The following LSM3 variants were observed in gnomAD, a reference collection of about 807,000 sequenced individuals.
The protein encoded by LSM3 is U6 snRNA-associated Sm-like protein LSm3.
In LSM3, 14 loss-of-function variants were observed where a neutral mutation model predicts 15.4. The observed-to-expected ratio is 0.91, with a 90% CI of 0.60 to 1.42. The LOEUF (loss-of-function observed/expected upper bound fraction) is 1.42. Ranked by LOEUF, LSM3 falls within the 40% of genes most tolerant of loss-of-function variation. The pLI is 0.00. For synonymous variants in LSM3, 46 were observed against 45.1 expected, an observed-to-expected ratio of 1.02 and a Z score of -0.08; for missense variants, 88 against 127.9, an observed-to-expected ratio of 0.69 and a Z score of 1.50.
chr3:14,188,109 T>C (rs1368931947), intron 3 of LSM3, among the ~76,000 whole-genome samples: 1 of 152,180 alleles, frequency 6.6e-6, no homozygotes, highest in Non-Finnish European at 1.5e-5. Flanking sequence ...ACTGTAATAA[T>C]AGAACTGTCT....
intron 3 of LSM3, among the ~76,000 whole-genome samples, chr3:14,193,502 T>C (rs1195154331): frequency 4.6e-5 from 7 of 152,230 alleles, no homozygotes; most frequent in Non-Finnish European, 1.0e-4. Context: ...TCTAATCTTG[T>C]CTTCTGTCTT....
chr3:14,197,620 G>GT (rs1171387030), intron 3 of LSM3, among the ~76,000 whole-genome samples: 1 of 152,250 alleles, frequency 6.6e-6, no homozygotes, highest in African/African-American at 2.4e-5. Context: ...TCACCTATCA[G>GT]TGGCTCTGCC....
intron 3 of LSM3, among the ~76,000 whole-genome samples, chr3:14,189,780 G>A (rs1212778544): frequency 6.6e-6 from 1 of 152,120 alleles, no homozygotes; most frequent in African/African-American, 2.4e-5. Flanking sequence ...TTCTTTTGCT[G>A]TGCAGAAGAT....
At chr3:14,184,625 C>T (rs544544052) in intron 3 of LSM3, among the ~76,000 whole-genome samples, 1,656 of 150,686 alleles carry the variant, frequency 0.011, 32 homozygotes, top group African/African-American at 0.038. Context: ...GGCGTAGTGG[C>T]GGGCGCCTGT....
At chr3:14,191,729 ACCT>A (rs1697141688) in intron 3 of LSM3, among the ~76,000 whole-genome samples, 1 of 148,806 alleles carries the variant, frequency 6.7e-6, no homozygotes, top group South Asian at 2.2e-4. Context: ...TCAAAGAACC[ACCT>A]CCTGGATTCA....
At chr3:14,192,588 T>C (rs533762521) in intron 3 of LSM3, among the ~76,000 whole-genome samples, 1 of 152,324 alleles carries the variant, frequency 6.6e-6, no homozygotes, top group Admixed American at 6.5e-5. Context: ...TTATTACAGA[T>C]TAGAATTGCA....
intron 1 of LSM3, 74 bp from the exon 2 acceptor site, chr3:14,181,486 T>C (rs1697037987): frequency 1.1e-6 from 1 of 932,938 alleles, no homozygotes; most frequent in African/African-American, 1.7e-5. Context: ...TTGCCCATGG[T>C]CACACAGCAT....
chr3:14,189,751 C>A (rs763272821), intron 3 of LSM3, among the ~76,000 whole-genome samples: 1 of 152,174 alleles, frequency 6.6e-6, no homozygotes, highest in African/African-American at 2.4e-5. Context: ...CTGTAGGTTG[C>A]CTGTTCACTC....
intron 3 of LSM3, among the ~76,000 whole-genome samples, chr3:14,188,599 T>G (rs1697112116): frequency 6.6e-6 from 1 of 152,190 alleles, no homozygotes; most frequent in Non-Finnish European, 1.5e-5. Context: ...CATATGCTAA[T>G]GAGTGTTAGT....
At chr3:14,191,989 C>T (rs1221818914) in intron 3 of LSM3, among the ~76,000 whole-genome samples, 1 of 152,172 alleles carries the variant, frequency 6.6e-6, no homozygotes, top group Non-Finnish European at 1.5e-5. Flanking sequence ...TGTCTTCATT[C>T]TCATTGGTTT....
At chr3:14,191,515 G>A (rs1238678048) in intron 3 of LSM3, among the ~76,000 whole-genome samples, 5 of 152,176 alleles carry the variant, frequency 3.3e-5, no homozygotes, top group African/African-American at 1.2e-4. Flanking sequence ...ACTTGGGAGG[G>A]TGTATGTGTC....
At chr3:14,179,045 G>C (rs994959452) in intron 1 of LSM3, among the ~76,000 whole-genome samples, 164 bp downstream of exon 1, 1 of 152,120 alleles carries the variant, frequency 6.6e-6, no homozygotes, top group Non-Finnish European at 1.5e-5. Flanking sequence ...CGTAGGCCCT[G>C]AGACCTTTTC....
Position 14,179,015 on chromosome 3 carries a change from A to G in LSM3, c.21+134A>G, listed in dbSNP as rs1574985447. ...CCTAATCCACCCTGTCCTTTCCGTA[A>G]CCCCCCCTCCGAATTTTGCCGTAGG... On this transcript the variant is annotated intron_variant, in intron 1 of 3. Coordinates refer to ENST00000306024, the MANE Select transcript of LSM3 (RefSeq NM_014463.3). 4.2e-6 allele frequency: 4 copies of G among 953,464 alleles called. No individual in the cohort carries two copies. In the East Asian group the frequency reaches 7.5e-5, roughly 18 times the overall value. The allele number at this position is 953,464 out of a possible 1,614,324, so 59.1% of individuals were successfully genotyped here.
chr3:14,189,936 A>T (rs536506444), intron 3 of LSM3, among the ~76,000 whole-genome samples: 1 of 152,316 alleles, frequency 6.6e-6, no homozygotes, highest in African/African-American at 2.4e-5. Context: ...CCTAGGTCTT[A>T]CATTTAAGTC....
intron 3 of LSM3, among the ~76,000 whole-genome samples, chr3:14,187,676 AT>A (rs1302069996): frequency 6.6e-6 from 1 of 152,174 alleles, no homozygotes; most frequent in Admixed American, 6.5e-5. Context: ...GTCTATTGAA[AT>A]AACTAATGAA....
At chr3:14,179,625 C>T (rs180683955) in intron 1 of LSM3, among the ~76,000 whole-genome samples, 29 of 152,258 alleles carry the variant, frequency 1.9e-4, no homozygotes, top group African/African-American at 6.7e-4. Context: ...ATGTATGCAT[C>T]TTTGTTTAAT....
intron 2 of LSM3, among the ~76,000 whole-genome samples, chr3:14,183,736 G>A (rs1697060797): frequency 6.6e-6 from 1 of 152,162 alleles, no homozygotes; most frequent in African/African-American, 2.4e-5. Flanking sequence ...TTTTTATCAG[G>A]TCAATTAAGT....
chr3:14,189,715 A>T (rs1436922863), intron 3 of LSM3, among the ~76,000 whole-genome samples: 1 of 151,848 alleles, frequency 6.6e-6, no homozygotes, highest in Non-Finnish European at 1.5e-5. Flanking sequence ...TGTCAGATGG[A>T]TGGATTGTAA....
Position 14,186,393 on chromosome 3 carries a change from A to G in LSM3, c.228+2361A>G, listed in dbSNP as rs142139996. ...TAAAATGGGAGTAATGATAGGACCC[A>G]CTTCATACAACTGTGGAGGATTCAT... On this transcript the variant is annotated intron_variant, in intron 3 of 3. Coordinates refer to ENST00000306024, the MANE Select transcript of LSM3 (RefSeq NM_014463.3). Among the ~76,000 whole-genome samples, 319 of 152,336 alleles carry G rather than the reference A, an allele frequency of 2.1e-3. 2 individuals carry two copies. The highest frequency in any genetic ancestry group is 7.4e-3 in the African/African-American group (306 of 41,566).
Sources: gnomAD v4.1 joint callset for allele counts (sites outside exome capture counted in the v4.1 genomes callset) on GRCh38, gnomAD v4.1.1 for gene constraint, MANE v1.5 for transcripts, NCBI Gene and HGNC (gene_info 2026-07-23, HGNC 2026-07-21) for gene names.